The following P4HA1 variants were observed in gnomAD, a reference collection of about 807,000 sequenced individuals.
The protein encoded by P4HA1 is prolyl 4-hydroxylase subunit alpha-1.
In P4HA1, 24 loss-of-function variants were observed where a neutral mutation model predicts 72.8. That is an observed-to-expected ratio of 0.33 (90% CI 0.24 to 0.46). The LOEUF is 0.46. Ranked by LOEUF, P4HA1 falls within the 20% of genes least tolerant of loss-of-function variation. The pLI is 1.00. For synonymous variants in P4HA1, 201 were observed against 218.8 expected, an observed-to-expected ratio of 0.92 and a Z score of 0.72; for missense variants, 446 against 640.6, an observed-to-expected ratio of 0.70 and a Z score of 3.28.
intron 4 of P4HA1, among the ~76,000 whole-genome samples, chr10:73,070,141 C>CATT (rs1564634009): frequency 8.9e-6 from 1 of 112,564 alleles, no homozygotes; most frequent in East Asian, 3.0e-4. Flanking sequence ...AGAGACCAGG[C>CATT]CTTTTTTTTT....
rs1408715683 is a variant in P4HA1 at position 73,008,281 on chromosome 10, A to G, written c.1546T>C (p.Trp516Arg). The G allele has an allele frequency of 6.3e-7, 1 of 1,586,132 alleles. No homozygotes were observed. Among genetic ancestry groups the G allele is most frequent in the South Asian group, 1.1e-5 (1 of 90,216 alleles). ...AATTCTTGTCCACGTTCATGGAGCC[A>G]TTTATTGGATACTGTGAGAGAAAAG... ...LVGNKWVSNK[W>R]LHERGQEFRR... Residue 516 changes from tryptophan (W) to arginine (R), a missense_variant, in exon 15 of 15, where the codon TGG becomes CGG. By Grantham distance (101) the Trp-to-Arg change is moderately radical. Coordinates refer to ENST00000394890, the MANE Select transcript of P4HA1 (RefSeq NM_001017962.3).
At position 73,046,910 on chromosome 10, in the gene P4HA1, G is replaced by A; in HGVS notation, c.1077+15C>T. On this transcript the variant is annotated intron_variant, in intron 8 of 14. Transcript: ENST00000394890. Reference sequence around the variant, plus strand: ...GTACAGTAAATTGAGGAGAAAGAAAGAAAACATTATTTACCCTTGGTTTTG... The same window carrying A: ...GTACAGTAAATTGAGGAGAAAGAAAAAAAACATTATTTACCCTTGGTTTTG... 2 of 1,563,154 alleles carry A rather than the reference G, an allele frequency of 1.3e-6. No homozygotes were observed. The highest frequency in any genetic ancestry group is 1.7e-6 in the Non-Finnish European group (2 of 1,144,648).
rs1378893680 is a variant in P4HA1 at position 73,058,093 on chromosome 10, A to G, written c.464-4503T>C. On this transcript the variant is annotated intron_variant, in intron 5 of 14. Transcript: ENST00000394890. Reference sequence around the variant, plus strand: ...TGACAGAGCAAGACTCCGTCCAGAAAAAAAAAAAAAAAAAAAAAAAAAAAA... The same window carrying G: ...TGACAGAGCAAGACTCCGTCCAGAAGAAAAAAAAAAAAAAAAAAAAAAAAA... 1.2e-4 allele frequency among the ~76,000 whole-genome samples: 14 copies of G among 119,922 alleles called. No homozygotes were observed. In the South Asian group the frequency reaches 4.7e-3, roughly 41 times the overall value. The allele number at this position is 119,922 out of a possible 152,430, so 78.7% of individuals were successfully genotyped here.
intron 5 of P4HA1, among the ~76,000 whole-genome samples, chr10:73,053,914 CTCT>C (rs1201434055): frequency 6.7e-6 from 1 of 149,952 alleles, no homozygotes; most frequent in Non-Finnish European, 1.5e-5. Flanking sequence ...TGAGATACAT[CTCT>C]TTTTTTTTTT....
At chr10:73,085,219 C>T (rs145995456) in intron 1 of P4HA1, among the ~76,000 whole-genome samples, 23 of 152,108 alleles carry the variant, frequency 1.5e-4, no homozygotes, top group African/African-American at 4.8e-4. Flanking sequence ...TTAGATATGA[C>T]GCCTAAAGCA....
intron 1 of P4HA1, among the ~76,000 whole-genome samples, chr10:73,093,573 C>T (rs1007635026): frequency 6.6e-6 from 1 of 151,510 alleles, no homozygotes; most frequent in African/African-American, 2.4e-5. Context: ...GGCACGGTGG[C>T]GTGATCACAC....
chr10:73,013,291 A>G (rs6480653), intron 12 of P4HA1, among the ~76,000 whole-genome samples: 7,690 of 152,296 alleles, frequency 0.05, 660 homozygotes, highest in African/African-American at 0.17. Flanking sequence ...GAATACAGCA[A>G]AATTAACATC....
At chr10:73,026,532 G>A (rs1236397389) in intron 10 of P4HA1, among the ~76,000 whole-genome samples, 3 of 152,168 alleles carry the variant, frequency 2.0e-5, no homozygotes, top group Admixed American at 2.0e-4. Flanking sequence ...ATACCATTCA[G>A]GACATAGGCA....
intron 9 of P4HA1, among the ~76,000 whole-genome samples, chr10:73,040,052 TAG>T (rs1840696503): frequency 6.6e-6 from 1 of 151,810 alleles, no homozygotes; most frequent in Non-Finnish European, 1.5e-5. Context: ...TTTTTGTAAA[TAG>T]AGACAAGGTC....
intron 9 of P4HA1, among the ~76,000 whole-genome samples, chr10:73,038,931 T>C (rs1208175268): frequency 6.6e-6 from 1 of 152,124 alleles, no homozygotes; most frequent in Non-Finnish European, 1.5e-5. Context: ...CGGCCTTTAT[T>C]TGCTTTTTAA....
At position 73,008,207 on chromosome 10, in the gene P4HA1, A is replaced by T. The variant is rs1268478786; in HGVS notation, c.*15T>A. On this transcript the variant is annotated 3_prime_UTR_variant, in exon 15 of 15. Coordinates refer to ENST00000394890, the MANE Select transcript of P4HA1 (RefSeq NM_001017962.3). ...ATAAGAGTACAACAATAGGAGAAAA[A>T]GGGAAGCCTGTTTGTCATTCCAATT... 6.4e-7 allele frequency: 1 copy of T among 1,556,382 alleles called. No individual in the cohort carries two copies. The highest frequency in any genetic ancestry group is 1.7e-5 in the Admixed American group (1 of 59,664).
chr10:73,050,163 CT>C (rs1840984760), intron 7 of P4HA1, among the ~76,000 whole-genome samples: 1 of 137,062 alleles, frequency 7.3e-6, no homozygotes, highest in South Asian at 2.2e-4. Context: ...GGGTTTCTGT[CT>C]CAAAAAAAAA....
At chr10:73,057,278 CAG>C (rs1841173513) in intron 5 of P4HA1, among the ~76,000 whole-genome samples, 1 of 151,860 alleles carries the variant, frequency 6.6e-6, no homozygotes, top group South Asian at 2.1e-4. Flanking sequence ...ATCATGAGGT[CAG>C]GAGATCGCGA....
At chr10:73,050,154 G>A (rs2073092400) in intron 7 of P4HA1, among the ~76,000 whole-genome samples, 1 of 148,534 alleles carries the variant, frequency 6.7e-6, no homozygotes, top group Admixed American at 6.6e-5. Context: ...TGATAGGGTG[G>A]GTTTCTGTCT....
chr10:73,028,003 T>G (rs1401728861), intron 10 of P4HA1, among the ~76,000 whole-genome samples: 1 of 152,014 alleles, frequency 6.6e-6, no homozygotes, highest in Non-Finnish European at 1.5e-5. Flanking sequence ...TAGCACCACA[T>G]GTATCAAAAA....
rs1701225675 is a variant in P4HA1 at position 73,009,991 on chromosome 10, CAG to C, written c.1438-90_1438-89del. 12 of 697,692 alleles carry C rather than the reference CAG, an allele frequency of 1.7e-5. No homozygotes were observed. The Admixed American group carries it at 2.7e-4, about 16-fold the overall frequency. The allele number at this position is 697,692 out of a possible 1,614,324, so 43.2% of individuals were successfully genotyped here. ...TATTACTTTTTTTTTTTTTTTGAGA[CAG>C]AGTCTTGCTCTATCGCCCAGGCTGG... On this transcript the variant is annotated intron_variant, in intron 13 of 14. Transcript: ENST00000394890.
chr10:73,021,229 T>C (rs1840127998), intron 10 of P4HA1, among the ~76,000 whole-genome samples: 1 of 152,130 alleles, frequency 6.6e-6, no homozygotes, highest in Non-Finnish European at 1.5e-5. Flanking sequence ...GAATGTAAAT[T>C]AGTACAATCA....
chr10:73,081,635 A>ACCAT (rs1841825282), intron 1 of P4HA1, among the ~76,000 whole-genome samples: 2 of 152,196 alleles, frequency 1.3e-5, no homozygotes, highest in Non-Finnish European at 2.9e-5. Flanking sequence ...AACAGATCTT[A>ACCAT]AAAGTTCTAC....
At position 73,052,166 on chromosome 10, in the gene P4HA1, A is replaced by G. The variant is rs111786094; in HGVS notation, c.704-917T>C. Reference sequence around the variant, plus strand: ...GAACTACCTTTTAGTAGAAGAAAAGATGACTACGCTACCCATCTGAGAGGA... The same window carrying G: ...GAACTACCTTTTAGTAGAAGAAAAGGTGACTACGCTACCCATCTGAGAGGA... On this transcript the variant is annotated intron_variant, in intron 6 of 14. Coordinates refer to ENST00000394890, the MANE Select transcript of P4HA1 (RefSeq NM_001017962.3). 9.9e-5 allele frequency among the ~76,000 whole-genome samples: 15 copies of G among 152,012 alleles called. 1 individual carries two copies. Among genetic ancestry groups the G allele is most frequent in the African/African-American group, 3.4e-4 (14 of 41,510 alleles).
Sources: allele counts gnomAD v4.1 joint callset (sites outside exome capture counted in the v4.1 genomes callset), GRCh38; gene constraint gnomAD v4.1.1; transcripts MANE v1.5; gene names NCBI Gene and HGNC (gene_info 2026-07-23, HGNC 2026-07-21).